The following KIAA1549 variants were observed in gnomAD, a reference collection of about 807,000 sequenced individuals.
KIAA1549 encodes the protein UPF0606 protein KIAA1549.
In KIAA1549, 70 loss-of-function variants were observed where a neutral mutation model predicts 156.4. The observed-to-expected ratio is 0.45, with a 90% CI of 0.37 to 0.55. KIAA1549 has a LOEUF of 0.55. Among genes scored for constraint, KIAA1549 ranks in the 20% least tolerant of loss-of-function variants. KIAA1549 has a pLI of 0.00. For missense variants in KIAA1549, 2,428 were observed against 2,540.9 expected (o/e 0.96, Z 0.96); for synonymous variants, 1,103 against 1,066.4 (o/e 1.03, Z -0.67).
At chr7:138,910,976 G>A (rs1449158439) in intron 4 of KIAA1549, among the ~76,000 whole-genome samples, 170 bp downstream of exon 4, 1 of 152,004 alleles carries the variant, frequency 6.6e-6, no homozygotes, top group Admixed American at 6.6e-5. Context: ...AGGCTACAGT[G>A]AGCTATAATC....
At chr7:138,878,031 G>C (rs1424856555) in intron 12 of KIAA1549, among the ~76,000 whole-genome samples, 1 of 152,180 alleles carries the variant, frequency 6.6e-6, no homozygotes, top group African/African-American at 2.4e-5. Flanking sequence ...ATCAAAACGA[G>C]ATTCTAATCC....
chr7:138,958,252 TG>T (rs5887914), intron 1 of KIAA1549, among the ~76,000 whole-genome samples: 62,197 of 152,062 alleles, frequency 0.41, 15,323 homozygotes, highest in African/African-American at 0.7. Context: ...AGTCTTGCCT[TG>T]GGGAACACTC....
chr7:138,903,852 TGCGCGCGC>T (rs1169332653), intron 7 of KIAA1549, 116 bp from the exon 8 acceptor site: 5 of 287,536 alleles, frequency 1.7e-5, no homozygotes, highest in Admixed American at 1.6e-4. Context: ...TGTGTGTGTG[TGCGCGCGC>T]GCGCGCGCGC....
At chr7:138,854,237 GACA>G (rs1563050083) in intron 16 of KIAA1549, among the ~76,000 whole-genome samples, 1 of 152,120 alleles carries the variant, frequency 6.6e-6, no homozygotes, top group Non-Finnish European at 1.5e-5. Flanking sequence ...AACACAGGCC[GACA>G]GAGTGAGGAA....
chr7:138,839,776 G>GTTTTTTT (rs1563043849), intron 19 of KIAA1549, among the ~76,000 whole-genome samples: 2 of 90,094 alleles, frequency 2.2e-5, no homozygotes, highest in African/African-American at 7.6e-5. Context: ...GAGGGATTAT[G>GTTTTTTT]TCTTTTTTTT....
At chr7:138,891,470 G>C (rs892260108) in intron 10 of KIAA1549, among the ~76,000 whole-genome samples, 7 of 152,218 alleles carry the variant, frequency 4.6e-5, no homozygotes, top group Admixed American at 6.5e-5. Flanking sequence ...TGAGTCTACA[G>C]ATAGAGAATA....
intron 1 of KIAA1549, among the ~76,000 whole-genome samples, chr7:138,938,015 A>G (rs1221689112): frequency 6.6e-6 from 1 of 152,140 alleles, no homozygotes; most frequent in Non-Finnish European, 1.5e-5. Context: ...TCCCCCTAAA[A>G]TTCATATGTT....
At chr7:138,844,013 C>T (rs954197111) in intron 18 of KIAA1549, among the ~76,000 whole-genome samples, 1 of 152,188 alleles carries the variant, frequency 6.6e-6, no homozygotes, top group East Asian at 1.9e-4. Flanking sequence ...TGTTTTCATG[C>T]CATCCAAAGT....
intron 1 of KIAA1549, among the ~76,000 whole-genome samples, chr7:138,923,482 T>C (rs1012134502): frequency 6.6e-6 from 1 of 151,858 alleles, no homozygotes; most frequent in Non-Finnish European, 1.5e-5. Flanking sequence ...CACCTGTAGT[T>C]CCAGCCACTC....
chr7:138,960,983 C>T (rs1175088953), intron 1 of KIAA1549, among the ~76,000 whole-genome samples: 2 of 152,202 alleles, frequency 1.3e-5, no homozygotes, highest in East Asian at 3.8e-4. Context: ...GTGTCTTTCC[C>T]CCATGCCCTC....
intron 1 of KIAA1549, among the ~76,000 whole-genome samples, chr7:138,969,705 G>C (rs1158806161): frequency 6.6e-6 from 1 of 152,124 alleles, no homozygotes; most frequent in Non-Finnish European, 1.5e-5. Flanking sequence ...CAATTCTCCT[G>C]CCTCAGCCTC....
At chr7:138,914,806 T>TA (rs1191272033) in intron 2 of KIAA1549, among the ~76,000 whole-genome samples, 5 of 152,174 alleles carry the variant, frequency 3.3e-5, no homozygotes, top group Non-Finnish European at 5.9e-5. Flanking sequence ...AAAGAGCTGT[T>TA]AAAAATACAT....
intron 1 of KIAA1549, among the ~76,000 whole-genome samples, chr7:138,966,932 C>A (rs1398810444): frequency 6.6e-6 from 1 of 152,100 alleles, no homozygotes; most frequent in Non-Finnish European, 1.5e-5. Context: ...GTAAGCCACT[C>A]AGTGTGTGGT....
chr7:138,883,119 T>TAAAAAAAAAAAA (rs1811294025), intron 10 of KIAA1549, among the ~76,000 whole-genome samples: 1 of 63,490 alleles, frequency 1.6e-5, no homozygotes, highest in African/African-American at 1.0e-4. Context: ...AAAAAAAAAT[T>TAAAAAAAAAAAA]CAGCCAGACA....
intron 12 of KIAA1549, among the ~76,000 whole-genome samples, chr7:138,872,194 G>A (rs1810955634): frequency 6.6e-6 from 1 of 152,014 alleles, no homozygotes; most frequent in Non-Finnish European, 1.5e-5. Context: ...TGATCCACCT[G>A]CCTCGGCCTC....
At chr7:138,931,101 G>A (rs570292655) in intron 1 of KIAA1549, among the ~76,000 whole-genome samples, 5 of 152,276 alleles carry the variant, frequency 3.3e-5, no homozygotes, top group East Asian at 1.9e-4. Context: ...GTTAGGACAC[G>A]CACATTTATT....
Position 138,903,861 on chromosome 7 carries a change from G to A in KIAA1549, c.3521-125C>T, listed in dbSNP as rs536479342. The A allele has an allele frequency of 3.5e-3, 2,158 of 623,600 alleles. 43 individuals are homozygous for A. The African/African-American group carries it at 0.049, about 14-fold the overall frequency. The allele number at this position is 623,600 out of a possible 1,614,324, so 38.6% of individuals were successfully genotyped here. A position where few individuals can be genotyped will look rare whatever the true frequency, so the allele number is the denominator to read the frequency against. ...TGTGTGTGTGTGTGTGTGCGCGCGC[G>A]CGCGCGCGCACATATGTATTTGAAA... On this transcript the variant is annotated intron_variant, in intron 7 of 19. Coordinates refer to ENST00000422774, the MANE Select transcript of KIAA1549 (RefSeq NM_001164665.2).
intron 9 of KIAA1549, among the ~76,000 whole-genome samples, chr7:138,898,064 T>G (rs777279531): frequency 1.3e-5 from 2 of 151,738 alleles, no homozygotes; most frequent in African/African-American, 4.8e-5. Flanking sequence ...ATCCCAGCAC[T>G]TTGGGAGGCC....
intron 9 of KIAA1549, among the ~76,000 whole-genome samples, chr7:138,896,322 G>T (rs542459529): frequency 3.3e-5 from 5 of 152,224 alleles, no homozygotes; most frequent in African/African-American, 1.2e-4. Context: ...TTTAACTTTG[G>T]GTTTAGACAC....
Sources: allele counts gnomAD v4.1 joint callset (sites outside exome capture counted in the v4.1 genomes callset), GRCh38; gene constraint gnomAD v4.1.1; transcripts MANE v1.5; gene names NCBI Gene and HGNC (gene_info 2026-07-23, HGNC 2026-07-21).